Variants in SOD2 observed in about 807,000 individuals in gnomAD.
SOD2 encodes the protein superoxide dismutase [Mn], mitochondrial.
In SOD2, 11 loss-of-function variants were observed where a neutral mutation model predicts 27.0. The ratio of observed to expected loss-of-function variants is 0.41; its 90% CI spans 0.26 to 0.67. The LOEUF is 0.67. SOD2 is among the 30% of genes least tolerant of loss of function. The pLI, the probability that SOD2 is intolerant of heterozygous loss-of-function variation, is 0.34. For missense variants in SOD2, 250 were observed against 274.5 expected, an observed-to-expected ratio of 0.91 and a Z score of 0.63; for synonymous variants, 105 against 103.0, an observed-to-expected ratio of 1.02 and a Z score of -0.12.
intron 1 of SOD2, among the ~76,000 whole-genome samples, chr6:159,699,144 T>G (rs1004995107): frequency 7.9e-5 from 12 of 152,068 alleles, no homozygotes; most frequent in African/African-American, 2.9e-4. Flanking sequence ...TTTGAAACTT[T>G]CTTCCTCCTT....
rs565656451 is a variant in SOD2 at position 159,677,314 on chromosome 6, A to C, written c.*5179T>G. ...AACTGAGAAATCTTAAATTTTTTTT[A>C]ACGTGTCCCAGAAGCATCTTGACAA... On this transcript the variant is annotated 3_prime_UTR_variant, in exon 5 of 5. Transcript: ENST00000538183. 4.3e-4 allele frequency: 65 copies of C among 152,304 alleles called. No homozygotes were observed. The highest frequency in any genetic ancestry group is 1.5e-3 in the African/African-American group (63 of 41,558). 9.4% of individuals were successfully genotyped at this position (152,304 alleles called of 1,614,324 possible). A position where few individuals can be genotyped will look rare whatever the true frequency, so the allele number is the denominator to read the frequency against.
At chr6:159,705,008 C>A in intron 1 of SOD2, among the ~76,000 whole-genome samples, 1 of 152,218 alleles carries the variant, frequency 6.6e-6, no homozygotes. Flanking sequence ...GATTCCCAGG[C>A]AAACAGGGTC....
At chr6:159,725,631 A>G (rs1778145231) in intron 1 of SOD2, 1 of 152,012 alleles carries the variant, frequency 6.6e-6, no homozygotes. Context: ...TGTAAAACTA[A>G]AAGTTCAAAG....
upstream of SOD2, among the ~76,000 whole-genome samples, chr6:159,693,885 A>T (rs1583024188): frequency 6.6e-6 from 1 of 152,224 alleles, no homozygotes; most frequent in East Asian, 1.9e-4. Context: ...GACAGGAGGC[A>T]CACAGACTTT....
chr6:159,688,060 A>C (rs1780274382), intron 3 of SOD2, 66 bp downstream of exon 3: 1 of 901,208 alleles, frequency 1.1e-6, no homozygotes, highest in Non-Finnish European at 1.8e-6. Flanking sequence ...AGGTAACTTC[A>C]GTAAATCAAC....
upstream of SOD2, among the ~76,000 whole-genome samples, chr6:159,731,661 CTATT>C (rs1554263160): frequency 2.0e-5 from 3 of 152,078 alleles, no homozygotes; most frequent in Non-Finnish European, 4.4e-5. Context: ...GGAGAAGAAA[CTATT>C]AATTAAATGC....
chr6:159,739,668 A>G (rs901985360), intron 1 of SOD2, among the ~76,000 whole-genome samples: 7 of 152,202 alleles, frequency 4.6e-5, no homozygotes, highest in Admixed American at 1.3e-4. Flanking sequence ...TTGATAACTT[A>G]GATAAAAATA....
intron 1 of SOD2, among the ~76,000 whole-genome samples, chr6:159,751,268 C>T (rs1004758104): frequency 2.0e-5 from 3 of 152,098 alleles, no homozygotes; most frequent in Non-Finnish European, 4.4e-5. Context: ...ACTTTTTAAA[C>T]GAAACCTTTT....
At chr6:159,693,328 GCC>G (rs1179283966), upstream of SOD2, 4,785 of 200,684 alleles carry the variant, frequency 0.024, 37 homozygotes, top group African/African-American at 0.037. Flanking sequence ...CCGCCGCCCC[GCC>G]CCCCCCCCCC....
chr6:159,727,342 G>A (rs1386148360), exon 1 of SOD2: 2 of 1,239,732 alleles, frequency 1.6e-6, no homozygotes, highest in Non-Finnish European at 2.1e-6. Flanking sequence ...CTGTGAGTGG[G>A]CCAGAAGGCG....
upstream of SOD2, chr6:159,693,310 C>T (rs2114796950): frequency 4.0e-6 from 2 of 495,206 alleles, no homozygotes; most frequent in South Asian, 9.8e-5. Flanking sequence ...AGCTGCGCCG[C>T]AAGGGCACCG....
chr6:159,685,141 A>T (rs1275766630), intron 3 of SOD2, 108 bp from the exon 4 acceptor site: 1 of 617,852 alleles, frequency 1.6e-6, no homozygotes, highest in Non-Finnish European at 2.4e-6. Context: ...GGCCCAAGAA[A>T]TTAGACAACA....
chr6:159,700,611 G>A (rs1183191260), intron 1 of SOD2, among the ~76,000 whole-genome samples: 12 of 148,274 alleles, frequency 8.1e-5, no homozygotes, highest in East Asian at 2.0e-4. Flanking sequence ...CCAAGATTGC[G>A]TCACTGCACT....
intron 1 of SOD2, among the ~76,000 whole-genome samples, chr6:159,710,750 CA>C (rs1346960295): frequency 3.3e-5 from 5 of 150,514 alleles, no homozygotes; most frequent in Non-Finnish European, 7.4e-5. Context: ...CCATAACCAC[CA>C]CTCATACTGC....
At chr6:159,751,252 GGT>G (rs879853153) in intron 1 of SOD2, among the ~76,000 whole-genome samples, 10 of 152,076 alleles carry the variant, frequency 6.6e-5, no homozygotes, top group Admixed American at 5.9e-4. Context: ...TTTATTAAAA[GGT>G]ATGACTTTTT....
chr6:159,712,044 T>A (rs563054459), intron 1 of SOD2, among the ~76,000 whole-genome samples: 443 of 32,630 alleles, frequency 0.014, 90 homozygotes, highest in African/African-American at 0.043. Context: ...CAGACCTCCA[T>A]AACCACCTCC....
At chr6:159,726,735 A>G (rs1031241992) in intron 1 of SOD2, 1 of 1,279,698 alleles carries the variant, frequency 7.8e-7, no homozygotes, top group Non-Finnish European at 1.0e-6. Flanking sequence ...GCCAGAGAAC[A>G]ATAGCTCCTC....
intron 1 of SOD2, among the ~76,000 whole-genome samples, chr6:159,758,199 G>A (rs924569563): frequency 2.0e-5 from 3 of 150,322 alleles, no homozygotes; most frequent in African/African-American, 7.3e-5. Context: ...TCGATATTTT[G>A]TTTTGTTTTT....
chr6:159,711,606 C>T (rs1195482374), intron 1 of SOD2, among the ~76,000 whole-genome samples: 2 of 132,778 alleles, frequency 1.5e-5, no homozygotes, highest in South Asian at 4.9e-4. Context: ...TAACCACCTC[C>T]ATAACCACCA....
Sources: gnomAD v4.1 joint callset for allele counts (sites outside exome capture counted in the v4.1 genomes callset) on GRCh38, gnomAD v4.1.1 for gene constraint, MANE v1.5 for transcripts, NCBI Gene and HGNC (gene_info 2026-07-23, HGNC 2026-07-21) for gene names.